SLC35F3: variants seen among roughly 807,000 people sequenced by gnomAD.
The protein encoded by SLC35F3 is solute carrier family 35 member F3.
SLC35F3 carries 25 observed loss-of-function variants against 49.9 expected under a neutral mutation model. The ratio of observed to expected loss-of-function variants is 0.50; its 90% CI spans 0.37 to 0.70. The LOEUF is 0.70. Ranked by LOEUF, SLC35F3 falls within the 30% of genes least tolerant of loss-of-function variation. The pLI, the probability that SLC35F3 is intolerant of heterozygous loss-of-function variation, is 0.00. For missense variants in SLC35F3, 525 were observed against 639.8 expected, an observed-to-expected ratio of 0.82 and a Z score of 1.94; for synonymous variants, 275 against 265.4, an observed-to-expected ratio of 1.04 and a Z score of -0.35.
intron 2 of SLC35F3, among the ~76,000 whole-genome samples, chr1:234,144,120 C>T (rs1001131131): frequency 1.3e-5 from 2 of 152,140 alleles, no homozygotes; most frequent in African/African-American, 2.4e-5. Context: ...GGAGATGGCA[C>T]CACGCAGTGT....
At chr1:234,045,212 C>G (rs1451687984) in intron 2 of SLC35F3, among the ~76,000 whole-genome samples, 1 of 152,042 alleles carries the variant, frequency 6.6e-6, no homozygotes, top group Non-Finnish European at 1.5e-5. Flanking sequence ...AGGTGTATAA[C>G]CTCATAGTTT....
chr1:234,097,449 T>C (rs1418403929), intron 2 of SLC35F3, among the ~76,000 whole-genome samples: 2 of 152,184 alleles, frequency 1.3e-5, no homozygotes, highest in Non-Finnish European at 2.9e-5. Context: ...TGTCACTGTG[T>C]CCCATTTAGA....
chr1:234,287,411 G>A (rs1424307648), intron 3 of SLC35F3, among the ~76,000 whole-genome samples: 1 of 151,974 alleles, frequency 6.6e-6, no homozygotes, highest in African/African-American at 2.4e-5. Context: ...TTCCACAACG[G>A]CCCACCACCA....
intron 2 of SLC35F3, among the ~76,000 whole-genome samples, chr1:233,941,345 A>G (rs1662416849): frequency 6.6e-6 from 1 of 152,208 alleles, no homozygotes; most frequent in African/African-American, 2.4e-5. Flanking sequence ...TCACCTTGTA[A>G]CTGAATTTTC....
At chr1:234,314,321 G>A (rs915077833) in intron 4 of SLC35F3, among the ~76,000 whole-genome samples, 1 of 152,196 alleles carries the variant, frequency 6.6e-6, no homozygotes, top group Admixed American at 6.5e-5. Context: ...GAAGCTTTTA[G>A]CTGTTTATTA....
chr1:233,984,296 G>A (rs939734457), intron 2 of SLC35F3, among the ~76,000 whole-genome samples: 1 of 152,168 alleles, frequency 6.6e-6, no homozygotes, highest in African/African-American at 2.4e-5. Flanking sequence ...AACTGAACTG[G>A]GGTCCACTAC....
rs945991738 is a variant in SLC35F3 at position 233,905,015 on chromosome 1, G to C, written c.-63G>C. The C allele has an allele frequency of 3.9e-6, 6 of 1,520,102 alleles. No individual in the cohort carries two copies. Among genetic ancestry groups the C allele is most frequent in the Non-Finnish European group, 5.3e-6 (6 of 1,122,400 alleles). 94.2% of individuals were successfully genotyped at this position (1,520,102 alleles called of 1,614,324 possible). A position where few individuals can be genotyped will look rare whatever the true frequency, so the allele number is the denominator to read the frequency against. ...CTTCCCAGGCTAGCGGCTGCAGGGA[G>C]CTCCGGCCCGCGGCCCCTCCGCCTC... On this transcript the variant is annotated 5_prime_UTR_variant, in exon 1 of 8. Transcript: ENST00000366618.
At chr1:234,302,358 G>A (rs1404519273) in intron 3 of SLC35F3, among the ~76,000 whole-genome samples, 1 of 152,126 alleles carries the variant, frequency 6.6e-6, no homozygotes. Flanking sequence ...ACCCAAAAGT[G>A]CCTTCTGGAA....
intron 2 of SLC35F3, among the ~76,000 whole-genome samples, chr1:233,919,985 G>C (rs1025338412): frequency 6.6e-6 from 1 of 152,128 alleles, no homozygotes; most frequent in African/African-American, 2.4e-5. Flanking sequence ...TAGAACCCTT[G>C]GTAGGATTCA....
intron 2 of SLC35F3, among the ~76,000 whole-genome samples, chr1:234,032,161 TC>T (rs1664073841): frequency 1.3e-5 from 2 of 152,172 alleles, no homozygotes; most frequent in Admixed American, 1.3e-4. Flanking sequence ...AGTTGAGCTA[TC>T]TTTTCTCTCT....
chr1:234,078,002 T>C (rs1406191543), intron 2 of SLC35F3, among the ~76,000 whole-genome samples: 1 of 152,158 alleles, frequency 6.6e-6, no homozygotes, highest in African/African-American at 2.4e-5. Flanking sequence ...ACCTCTGTCA[T>C]CACCCACTAT....
At chr1:233,984,205 A>G (rs1369628002) in intron 2 of SLC35F3, among the ~76,000 whole-genome samples, 3 of 152,186 alleles carry the variant, frequency 2.0e-5, no homozygotes, top group South Asian at 4.1e-4. Flanking sequence ...TCACCACAAT[A>G]TGAATATTCC....
At chr1:234,318,675 T>G in intron 5 of SLC35F3, 76 bp from the exon 6 acceptor site, 2 of 1,317,904 alleles carry the variant, frequency 1.5e-6, no homozygotes, top group Non-Finnish European at 2.1e-6. Flanking sequence ...CGTTGTGGAG[T>G]GAACTCTGCT....
In SLC35F3 at chr1:234,231,473, G is replaced by T. The variant is rs371310289; in HGVS notation, c.340G>T (p.Val114Leu). ...GPAEAQAPAG[V>L]EAGGRASRRC... ...GGCGGAGGCCCAGGCACCGGCCGGG[G>T]TGGAGGCCGGCGGGAGAGCGAGTCG... Residue 114 changes from valine to leucine, a missense_variant, in exon 3 of 8, where the codon GTG (valine) becomes TTG (leucine). By Grantham distance (32) the Val-to-Leu change is conservative. This residue lies in a region of SLC35F3 where 228 missense variants were observed against 218.9 expected (regional missense o/e 1.04). Coordinates refer to ENST00000366618, the MANE Select transcript of SLC35F3 (RefSeq NM_173508.4). The surrounding 1 kb of genome is among the most constrained non-coding windows in gnomAD (Gnocchi z 5.4). 1.2e-6 allele frequency: 2 copies of T among 1,611,774 alleles called. No individual in the cohort carries two copies. The highest frequency in any genetic ancestry group is 1.7e-6 in the Non-Finnish European group (2 of 1,178,898).
intron 2 of SLC35F3, among the ~76,000 whole-genome samples, chr1:234,220,498 C>T (rs1667187852): frequency 6.6e-6 from 1 of 152,202 alleles, no homozygotes; most frequent in African/African-American, 2.4e-5. Context: ...GAGCCCTTGA[C>T]CTGGGTTGCC....
Position 234,066,108 on chromosome 1 carries a change from A to G in SLC35F3, c.283+160350A>G, listed in dbSNP as rs529697307. Among the ~76,000 whole-genome samples the G allele has an allele frequency of 1.2e-4, 19 of 152,314 alleles. No homozygotes were observed. The South Asian group carries it at 3.3e-3, about 27-fold the overall frequency. ...GTAGCTCGCTGGAGAAAAAATAATT[A>G]TCATTATTATATTAGGAATTCCAAG... On this transcript the variant is annotated intron_variant, in intron 2 of 7. Transcript: ENST00000366618.
intron 2 of SLC35F3, among the ~76,000 whole-genome samples, chr1:234,225,186 C>G (rs568379318): frequency 2.2e-4 from 33 of 152,332 alleles, no homozygotes; most frequent in Middle Eastern, 3.4e-3. Flanking sequence ...GTCTCCCCCC[C>G]TTTCCTCTAC....
At chr1:234,242,830 AAATT>A (rs1558271162) in intron 3 of SLC35F3, among the ~76,000 whole-genome samples, 1 of 152,214 alleles carries the variant, frequency 6.6e-6, no homozygotes, top group African/African-American at 2.4e-5. Flanking sequence ...ATGACAAAAT[AAATT>A]AAAAGCACTG....
At chr1:234,138,824 T>C (rs1028296673) in intron 2 of SLC35F3, among the ~76,000 whole-genome samples, 2 of 152,212 alleles carry the variant, frequency 1.3e-5, no homozygotes, top group Non-Finnish European at 2.9e-5. Flanking sequence ...GTGTTGGAAT[T>C]ATACAGGCGA....
Sources: gnomAD v4.1 joint callset for allele counts (sites outside exome capture counted in the v4.1 genomes callset) on GRCh38, gnomAD v4.1.1 for gene constraint, gnomAD v4.1.1 regional missense constraint, Gnocchi (gnomAD v3.1) non-coding constraint, MANE v1.5 for transcripts, NCBI Gene and HGNC (gene_info 2026-07-23, HGNC 2026-07-21) for gene names.